COL19A1: variants seen among roughly 807,000 people sequenced by gnomAD.
COL19A1 encodes the protein collagen type XIX alpha 1 chain, also known as collagen alpha-1(XIX) chain.
A neutral mutation model predicts 190.2 loss-of-function variants in COL19A1; 159 were observed. The observed-to-expected ratio is 0.84, with a 90% CI of 0.73 to 0.95. The LOEUF (loss-of-function observed/expected upper bound fraction) is 0.95. Ranked by LOEUF, COL19A1 falls within the 40% of genes least tolerant of loss-of-function variation. The pLI, the probability that COL19A1 is intolerant of heterozygous loss-of-function variation, is 0.00. For synonymous variants in COL19A1, 509 were observed against 458.9 expected, an observed-to-expected ratio of 1.11 and a Z score of -1.39; for missense variants, 1,418 against 1,431.9, an observed-to-expected ratio of 0.99 and a Z score of 0.16.
intron 15 of COL19A1, among the ~76,000 whole-genome samples, chr6:70,093,456 G>A (rs769682819): frequency 6.6e-6 from 1 of 152,116 alleles, no homozygotes; most frequent in African/African-American, 2.4e-5. Context: ...GCCTTAGAGA[G>A]TTGGTGGTGT....
Position 69,929,429 on chromosome 6 carries a change from C to G in COL19A1, c.395C>G (p.Ser132Cys), listed in dbSNP as rs1206291280. 6.2e-7 allele frequency: 1 copy of G among 1,612,618 alleles called. No homozygotes were observed. The highest frequency in any genetic ancestry group is 8.5e-7 in the Non-Finnish European group (1 of 1,179,378). ...AGATACTTTACATTTTTGCAGATTT[C>G]TATAGTAGTTGATGGTGGAAAGAAG... Reference protein sequence around the residue: ...VLNQQNIPQISIVVDGGKKVV... With the variant: ...VLNQQNIPQICIVVDGGKKVV... The change falls in exon 6 of 51, where the codon TCT becomes TGT. Residue 132 changes from serine (S) to cysteine (C), a missense_variant. Physicochemically the swap from Ser to Cys is moderately radical, Grantham distance 112. Coordinates refer to ENST00000620364, the MANE Select transcript of COL19A1 (RefSeq NM_001858.6).
intron 18 of COL19A1, among the ~76,000 whole-genome samples, chr6:70,135,736 C>T (rs896438235): frequency 7.9e-5 from 12 of 152,014 alleles, no homozygotes; most frequent in African/African-American, 1.5e-4. Flanking sequence ...GGGCAAGGGA[C>T]GGGATTTAGG....
At chr6:70,193,677 TG>T (rs3840407) in intron 48 of COL19A1, among the ~76,000 whole-genome samples, 2,124 of 152,314 alleles carry the variant, frequency 0.014, 77 homozygotes, top group East Asian at 0.13. Context: ...AGACTCCATG[TG>T]TGATAGCCCT....
At chr6:69,928,911 A>G (rs1438454874) in intron 5 of COL19A1, among the ~76,000 whole-genome samples, 1 of 152,146 alleles carries the variant, frequency 6.6e-6, no homozygotes, top group Non-Finnish European at 1.5e-5. Context: ...ATCAACCAAG[A>G]GTATGTCCTC....
At chr6:70,001,792 A>G (rs1777279225) in intron 11 of COL19A1, among the ~76,000 whole-genome samples, 1 of 152,206 alleles carries the variant, frequency 6.6e-6, no homozygotes, top group Non-Finnish European at 1.5e-5. Flanking sequence ...TTTTCTAAAT[A>G]TGAAATCATG....
At chr6:70,111,348 G>A (rs1439998869) in intron 16 of COL19A1, among the ~76,000 whole-genome samples, 1 of 152,088 alleles carries the variant, frequency 6.6e-6, no homozygotes, top group Admixed American at 6.6e-5. Flanking sequence ...GCATTGTCTA[G>A]GGGACCTAAA....
Position 69,921,804 on chromosome 6 carries a change from A to G in COL19A1, c.267-6105A>G, listed in dbSNP as rs80282269. On this transcript the variant is annotated intron_variant, in intron 4 of 50. Transcript: ENST00000620364. The stretch of plus-strand genomic sequence containing the variant: ...TTCGTATGTAGATTCGTATATGTAT[A>G]TTCGTATGTAGATTCGTATATATAT... 7.6e-3 allele frequency among the ~76,000 whole-genome samples: 1,141 copies of G among 150,336 alleles called. 17 individuals carry two copies. Among genetic ancestry groups the G allele is most frequent in the African/African-American group, 0.026 (1,060 of 40,610 alleles).
intron 2 of COL19A1, among the ~76,000 whole-genome samples, chr6:69,897,176 A>T (rs1211354587): frequency 6.6e-6 from 1 of 152,144 alleles, no homozygotes; most frequent in African/African-American, 2.4e-5. Flanking sequence ...AAGGTTCAAC[A>T]TTCAGTGTTT....
At chr6:70,079,324 G>A (rs375895311) in intron 15 of COL19A1, among the ~76,000 whole-genome samples, 10 of 152,286 alleles carry the variant, frequency 6.6e-5, no homozygotes, top group South Asian at 4.2e-4. Flanking sequence ...TTAGGGCTAC[G>A]GAAAGAATCT....
chr6:70,179,498 G>A (rs1268500329), intron 42 of COL19A1, among the ~76,000 whole-genome samples: 1 of 152,180 alleles, frequency 6.6e-6, no homozygotes, highest in African/African-American at 2.4e-5. Flanking sequence ...CCAAGCCATG[G>A]TGTAGTGACA....
At chr6:69,962,925 T>G (rs1023234021) in intron 11 of COL19A1, 55 bp downstream of exon 11, 5 of 1,434,536 alleles carry the variant, frequency 3.5e-6, no homozygotes, top group Non-Finnish European at 4.8e-6. Context: ...CTTGAAAATG[T>G]TTTGAAATAA....
chr6:70,122,042 T>C, intron 17 of COL19A1, 100 bp downstream of exon 17: 1 of 705,080 alleles, frequency 1.4e-6, no homozygotes, highest in South Asian at 2.1e-5. Flanking sequence ...CAGACTTTTA[T>C]ACATGATCAC....
chr6:69,923,891 G>T (rs778806192), intron 4 of COL19A1, among the ~76,000 whole-genome samples: 42 of 152,282 alleles, frequency 2.8e-4, no homozygotes, highest in Non-Finnish European at 6.2e-4. Context: ...TTGGGTAAGG[G>T]TGTTTAACTA....
At chr6:70,022,825 A>T (rs896661709) in intron 11 of COL19A1, among the ~76,000 whole-genome samples, 1 of 152,210 alleles carries the variant, frequency 6.6e-6, no homozygotes, top group Non-Finnish European at 1.5e-5. Context: ...TCTCTATATC[A>T]TTAACTAGTT....
At chr6:70,169,941 T>C (rs541414329) in intron 40 of COL19A1, among the ~76,000 whole-genome samples, 18 of 152,274 alleles carry the variant, frequency 1.2e-4, no homozygotes, top group African/African-American at 4.3e-4. Context: ...TTTTTAAGTA[T>C]TATAATAAAG....
chr6:70,206,634 C>CAAA (rs34634051), intron 49 of COL19A1, among the ~76,000 whole-genome samples: 60 of 101,782 alleles, frequency 5.9e-4, no homozygotes, highest in Non-Finnish European at 7.1e-4. Context: ...GACTCTGTCT[C>CAAA]AAAAAAAAAA....
intron 1 of COL19A1, among the ~76,000 whole-genome samples, chr6:69,874,061 G>A (rs62420119): frequency 0.17 from 25,866 of 152,200 alleles, 2,403 homozygotes; most frequent in East Asian, 0.25. Context: ...GACCTGTGGG[G>A]ACAGGAAGGA....
chr6:70,167,141 T>G (rs913505769), intron 37 of COL19A1, among the ~76,000 whole-genome samples: 2 of 152,194 alleles, frequency 1.3e-5, no homozygotes, highest in African/African-American at 4.8e-5. Context: ...GAGTAATAAA[T>G]GGATGGAGCG....
At chr6:70,135,486 G>C (rs1785802534) in intron 18 of COL19A1, among the ~76,000 whole-genome samples, 1 of 152,150 alleles carries the variant, frequency 6.6e-6, no homozygotes, top group African/African-American at 2.4e-5. Flanking sequence ...TTGCTTTGGG[G>C]ATTCCAAGGA....
Sources: gnomAD v4.1 joint callset for allele counts (sites outside exome capture counted in the v4.1 genomes callset) on GRCh38, gnomAD v4.1.1 for gene constraint, MANE v1.5 for transcripts, NCBI Gene and HGNC (gene_info 2026-07-23, HGNC 2026-07-21) for gene names.